Variants in WDPCP observed in about 807,000 individuals in gnomAD.
The protein encoded by WDPCP is WD repeat-containing and planar cell polarity effector protein fritz homolog.
In WDPCP, 71 loss-of-function variants were observed where a neutral mutation model predicts 93.1. That is an observed-to-expected ratio of 0.76 (90% CI 0.63 to 0.93). WDPCP has a LOEUF of 0.93. Among genes scored for constraint, WDPCP ranks in the 40% least tolerant of loss-of-function variants. WDPCP has a pLI of 0.00. For missense variants in WDPCP, 844 were observed against 887.4 expected, an observed-to-expected ratio of 0.95 and a Z score of 0.62; for synonymous variants, 315 against 315.0, an observed-to-expected ratio of 1.00 and a Z score of 0.00.
chr2:63,182,619 C>G (rs1398132385), intron 14 of WDPCP, among the ~76,000 whole-genome samples: 1 of 151,772 alleles, frequency 6.6e-6, no homozygotes, highest in Non-Finnish European at 1.5e-5. Context: ...TTGTTGTGTG[C>G]TAGTCCGGCT....
intron 13 of WDPCP, among the ~76,000 whole-genome samples, chr2:63,267,923 T>C (rs1180003918): frequency 1.3e-5 from 2 of 152,154 alleles, no homozygotes; most frequent in African/African-American, 2.4e-5. Context: ...TGGAGGTTTC[T>C]TAAAAAAAAC....
At chr2:63,713,337 C>A (rs1403975738) in intron 2 of WDPCP, among the ~76,000 whole-genome samples, 2 of 152,124 alleles carry the variant, frequency 1.3e-5, no homozygotes, top group Admixed American at 1.3e-4. Flanking sequence ...CATTTTATGA[C>A]CAGCACAGCT....
rs527878988 is a variant in WDPCP at position 63,452,561 on chromosome 2, T to A, written c.385-12690A>T. Among the ~76,000 whole-genome samples the A allele has an allele frequency of 1.0e-3, 152 of 152,194 alleles. No individual in the cohort carries two copies. The Middle Eastern group carries it at 0.01, about 10-fold the overall frequency. On this transcript the variant is annotated intron_variant, in intron 6 of 17. Coordinates refer to ENST00000272321, the MANE Select transcript of WDPCP (RefSeq NM_015910.7). ...CAATGCCATCCCCATCAAGCTACCA[T>A]TGACTTTCTTCACAGAATTGGAAAA... is the stretch of plus-strand genomic sequence containing the variant.
At chr2:63,287,829 T>C (rs1684122146) in intron 13 of WDPCP, among the ~76,000 whole-genome samples, 1 of 152,212 alleles carries the variant, frequency 6.6e-6, no homozygotes, top group South Asian at 2.1e-4. Flanking sequence ...TTGGGAGAAT[T>C]TAAACTTGAA....
intron 13 of WDPCP, among the ~76,000 whole-genome samples, chr2:63,298,223 G>T (rs968801838): frequency 1.3e-5 from 2 of 152,170 alleles, no homozygotes; most frequent in Non-Finnish European, 1.5e-5. Flanking sequence ...AGGCCCCCAT[G>T]TGGAGAGAGT....
chr2:63,539,165 T>C (rs1215366581), intron 1 of WDPCP, among the ~76,000 whole-genome samples: 3 of 152,244 alleles, frequency 2.0e-5, no homozygotes, highest in Admixed American at 1.3e-4. Flanking sequence ...TGCAATTAGA[T>C]TAGTTTTTAA....
At chr2:63,312,323 T>C (rs1293292935) in intron 13 of WDPCP, among the ~76,000 whole-genome samples, 2 of 152,212 alleles carry the variant, frequency 1.3e-5, no homozygotes, top group Admixed American at 6.5e-5. Context: ...CAAAATGTCT[T>C]CACTGTGCAA....
At chr2:63,332,891 C>A (rs1289952762) in intron 12 of WDPCP, among the ~76,000 whole-genome samples, 2 of 152,194 alleles carry the variant, frequency 1.3e-5, no homozygotes, top group South Asian at 2.1e-4. Context: ...ATTACAGGTA[C>A]AACCACACTC....
chr2:63,335,097 G>A (rs149700821), intron 12 of WDPCP, among the ~76,000 whole-genome samples: 3 of 152,254 alleles, frequency 2.0e-5, no homozygotes, highest in Non-Finnish European at 2.9e-5. Flanking sequence ...AGCTAGATGC[G>A]TAAGTGACTA....
chr2:63,629,033 A>G (rs1017444542), intron 3 of WDPCP, among the ~76,000 whole-genome samples: 1 of 152,150 alleles, frequency 6.6e-6, no homozygotes, highest in Non-Finnish European at 1.5e-5. Context: ...TTCATCTATT[A>G]TTTCCTCTAA....
chr2:63,347,739 G>A lies in WDPCP; in HGVS notation c.1748+30647C>T, dbSNP rs1450188446. 5.1e-4 allele frequency among the ~76,000 whole-genome samples: 40 copies of A among 78,614 alleles called. No homozygotes were observed. The East Asian group carries it at 6.8e-3, about 13-fold the overall frequency. 51.6% of individuals were successfully genotyped at this position (78,614 alleles called of 152,430 possible). A position where few individuals can be genotyped will look rare whatever the true frequency, so the allele number is the denominator to read the frequency against. ...CTGAGAGGGGGAAATTGCCCCCCCC[G>A]CCCCCGACTGGATATTCATCTGAGC... On this transcript the variant is annotated intron_variant, in intron 12 of 17. Transcript: ENST00000272321.
intron 14 of WDPCP, among the ~76,000 whole-genome samples, chr2:63,192,703 G>A (rs1039063404): frequency 1.3e-5 from 2 of 152,186 alleles, no homozygotes; most frequent in Non-Finnish European, 2.9e-5. Context: ...AGAGAAGTGA[G>A]CTAAGAGAAC....
chr2:63,345,357 T>C (rs1575189119), intron 12 of WDPCP, among the ~76,000 whole-genome samples: 1 of 152,154 alleles, frequency 6.6e-6, no homozygotes, highest in East Asian at 1.9e-4. Flanking sequence ...TTGGGCAACT[T>C]TGGCTTGAAG....
intron 3 of WDPCP, chr2:63,643,026 T>G (rs188652146): frequency 6.5e-6 from 1 of 153,806 alleles, no homozygotes; most frequent in African/African-American, 2.4e-5. Flanking sequence ...GTTTTTCTTT[T>G]ATCATGAAGG....
chr2:63,558,304 C>G (rs1232309380), intron 1 of WDPCP, among the ~76,000 whole-genome samples: 2 of 151,776 alleles, frequency 1.3e-5, no homozygotes, highest in Non-Finnish European at 2.9e-5. Context: ...GTGAGGCGGG[C>G]AGATCTTGAG....
At chr2:63,171,750 C>T (rs1266301202) in intron 15 of WDPCP, among the ~76,000 whole-genome samples, 1 of 152,104 alleles carries the variant, frequency 6.6e-6, no homozygotes, top group African/African-American at 2.4e-5. Context: ...ATGTTTACAG[C>T]AACATTATTC....
intron 2 of WDPCP, among the ~76,000 whole-genome samples, chr2:63,746,977 A>G (rs1055451501): frequency 1.3e-5 from 2 of 152,012 alleles, no homozygotes; most frequent in African/African-American, 2.4e-5. Flanking sequence ...AAACCTGCCT[A>G]CATGTGATGT....
chr2:63,320,221 T>C (rs1686979423), intron 12 of WDPCP, among the ~76,000 whole-genome samples: 1 of 152,132 alleles, frequency 6.6e-6, no homozygotes, highest in African/African-American at 2.4e-5. Flanking sequence ...AAAAATTTTA[T>C]ATGCAGCAAA....
At chr2:63,486,188 A>G (rs1700566701) in intron 4 of WDPCP, among the ~76,000 whole-genome samples, 1 of 151,872 alleles carries the variant, frequency 6.6e-6, no homozygotes, top group Non-Finnish European at 1.5e-5. Flanking sequence ...TACAAATACT[A>G]TTTTCTTAAA....
Sources: gnomAD v4.1 joint callset for allele counts (sites outside exome capture counted in the v4.1 genomes callset) on GRCh38, gnomAD v4.1.1 for gene constraint, MANE v1.5 for transcripts, NCBI Gene and HGNC (gene_info 2026-07-23, HGNC 2026-07-21) for gene names.